Variants in ZSCAN32 observed in about 807,000 individuals in gnomAD.
The protein encoded by ZSCAN32 is zinc finger and SCAN domain-containing protein 32.
A neutral mutation model predicts 47.4 loss-of-function variants in ZSCAN32; 52 were observed. That is an observed-to-expected ratio of 1.10 (90% CI 0.88 to 1.38). The LOEUF (loss-of-function observed/expected upper bound fraction) is 1.38. Ranked by LOEUF, ZSCAN32 falls within the 40% of genes most tolerant of loss-of-function variation. ZSCAN32 has a pLI of 0.00. For synonymous variants in ZSCAN32, 346 were observed against 305.7 expected, an observed-to-expected ratio of 1.13 and a Z score of -1.38; for missense variants, 959 against 846.0, an observed-to-expected ratio of 1.13 and a Z score of -1.66.
rs1442058871 is a variant in ZSCAN32 at position 3,397,495 on chromosome 16, GC to G, written c.62del (p.Gly21AlafsTer28). The G allele has an allele frequency of 1.3e-6, 2 of 1,550,416 alleles. No individual in the cohort carries two copies. The highest frequency in any genetic ancestry group is 3.9e-5 in the Admixed American group (2 of 50,980). On this transcript the variant is annotated frameshift_variant, in exon 2 of 7. Transcript: ENST00000396852. LOFTEE classifies it high-confidence loss of function. The stretch of plus-strand genomic sequence containing the variant: ...TGTTACCCTGGAGGGCTGATTTCTG[GC>G]CCTGTGTGGGATCCTTGTTTGAGGA... ...HPSSNKDPTQ[G>X]QKSALQGNSP...
chr16:3,384,719 A>C lies in ZSCAN32; in HGVS notation c.974T>G (p.Val325Gly). 1 of 1,614,236 alleles carries C rather than the reference A, an allele frequency of 6.2e-7. No homozygotes were observed. Among genetic ancestry groups the C allele is most frequent in the Non-Finnish European group, 8.5e-7 (1 of 1,180,044 alleles). ...CTCATAAAAGATACAAGGCTCAGGC[A>C]CACGGCCTCTCCTCACTTTGCGGTA... The part of the protein sequence containing the change: ...LSYRKVRRGR[V>G]PEPCIFYEEM... Residue 325 changes from valine to glycine, a missense_variant, in exon 6 of 7, where the codon GTG becomes GGG. Coordinates refer to ENST00000396852, the MANE Select transcript of ZSCAN32 (RefSeq NM_001284527.2).
intron 6 of ZSCAN32, 100 bp from the exon 7 acceptor site, chr16:3,383,811 G>C: frequency 8.1e-7 from 1 of 1,229,728 alleles, no homozygotes; most frequent in South Asian, 2.0e-5. Flanking sequence ...ATATCTAATT[G>C]AAATTCTTCA....
intron 3 of ZSCAN32, 97 bp from the exon 4 acceptor site, chr16:3,390,614 G>T: frequency 1.1e-6 from 1 of 945,984 alleles, no homozygotes; most frequent in Non-Finnish European, 1.6e-6. Context: ...CGCATCAGCA[G>T]CCCCTGGCAA....
At position 3,383,250 on chromosome 16, in the gene ZSCAN32, C is replaced by T. The variant is rs1392646010; in HGVS notation, c.1696G>A (p.Ala566Thr). The stretch of plus-strand genomic sequence containing the variant: ...TCCCCTGTGTGAGTTCGTAGGTGGG[C>T]AGTGAGGTTGGAGCGCTCACTAAAG... Reference protein sequence around the residue: ...KGFSERSNLTAHLRTHTGERP... With the variant: ...KGFSERSNLTTHLRTHTGERP... The change falls in exon 7 of 7, where the codon GCC (alanine) becomes ACC (threonine). Residue 566 changes from alanine (A) to threonine (T), a missense_variant. Transcript: ENST00000396852. 1 of 1,614,058 alleles carries T rather than the reference C, an allele frequency of 6.2e-7. No individual in the cohort carries two copies. The highest frequency in any genetic ancestry group is 8.5e-7 in the Non-Finnish European group (1 of 1,179,928).
chr16:3,389,924 T>G (rs2032470122), intron 5 of ZSCAN32, 86 bp downstream of exon 5: 3 of 1,376,740 alleles, frequency 2.2e-6, no homozygotes, highest in South Asian at 2.9e-5. Context: ...CCCCACTCCC[T>G]CTGTCTCCCT....
intron 3 of ZSCAN32, 25 bp from the exon 4 acceptor site, chr16:3,390,542 A>G (rs1156992996): frequency 1.3e-6 from 2 of 1,532,314 alleles, no homozygotes; most frequent in Non-Finnish European, 1.8e-6. Flanking sequence ...AGCCGCTATT[A>G]GAGGGCGGCT....
intron 4 of ZSCAN32, 100 bp from the exon 5 acceptor site, chr16:3,390,233 C>T: frequency 6.8e-7 from 1 of 1,477,656 alleles, no homozygotes; most frequent in Non-Finnish European, 9.0e-7. Flanking sequence ...AGGGGCAAGG[C>T]AAAGGCAGGG....
intron 1 of ZSCAN32, among the ~76,000 whole-genome samples, chr16:3,398,350 T>G (rs1486996610): frequency 6.6e-6 from 1 of 152,034 alleles, no homozygotes; most frequent in African/African-American, 2.4e-5. Flanking sequence ...AAAAACCGTT[T>G]TCCACAGCCC....
At chr16:3,386,744 G>C (rs1043219114) in intron 5 of ZSCAN32, among the ~76,000 whole-genome samples, 3 of 152,204 alleles carry the variant, frequency 2.0e-5, no homozygotes, top group Admixed American at 6.5e-5. Context: ...TGAACAGTGA[G>C]AACACATGGA....
In ZSCAN32 at chr16:3,383,284, G is replaced by A. The variant is rs146321164; in HGVS notation, c.1662C>T (p.Cys554=). 72 of 1,614,010 alleles carry A rather than the reference G, an allele frequency of 4.5e-5. No individual in the cohort carries two copies. The African/African-American group carries it at 7.2e-4, about 16-fold the overall frequency. The change falls in exon 7 of 7, where the codon TGC becomes TGT. Residue 554 remains cysteine (C), a synonymous_variant. Coordinates refer to ENST00000396852, the MANE Select transcript of ZSCAN32 (RefSeq NM_001284527.2). The stretch of plus-strand genomic sequence containing the variant: ...TGGAGCGCTCACTAAAGCCCTTCCC[G>A]CACTCACTGCACTTGTGAGGCTTCT... ...TGEKPHKCSE[C]GKGFSERSNL...
intron 4 of ZSCAN32, 88 bp downstream of exon 4, chr16:3,390,335 C>G (rs930962937): frequency 1.7e-5 from 24 of 1,392,938 alleles, no homozygotes; most frequent in Non-Finnish European, 2.3e-5. Flanking sequence ...ATGGACCACA[C>G]AGAATCTTTC....
chr16:3,386,810 A>G (rs1466387574), intron 5 of ZSCAN32, among the ~76,000 whole-genome samples: 2 of 151,892 alleles, frequency 1.3e-5, no homozygotes, highest in African/African-American at 2.4e-5. Flanking sequence ...GAGAGAGGGG[A>G]GGGATAGCAT....
At position 3,383,227 on chromosome 16, in the gene ZSCAN32, C is replaced by G; in HGVS notation, c.1719G>C (p.Gly573=). Residue 573 remains glycine (G), a synonymous_variant, in exon 7 of 7, where the codon GGG becomes GGC. Transcript: ENST00000396852. ...ATTGCCCACACTGATAGGGCCTCTC[C>G]CCTGTGTGAGTTCGTAGGTGGGCAG... ...NLTAHLRTHT[G]ERPYQCGQCG... 1.2e-6 allele frequency: 2 copies of G among 1,614,092 alleles called. No homozygotes were observed. Among genetic ancestry groups the G allele is most frequent in the Non-Finnish European group, 8.5e-7 (1 of 1,179,978 alleles).
chr16:3,384,573 T>A lies in ZSCAN32; in HGVS notation c.1120A>T (p.Thr374Ser), dbSNP rs2031701567. ...GELNHQNGEP[T>S]EVEDGTVDGA... ...TCCACAGTGCCATCTTCTACCTCCGTGGGTTCCCCATTCTGGTGATTCAGC... is the reference window on the plus strand; with the variant it reads ...TCCACAGTGCCATCTTCTACCTCCGAGGGTTCCCCATTCTGGTGATTCAGC... The change falls in exon 6 of 7, where the codon ACG becomes TCG. Residue 374 changes from threonine (T) to serine (S), a missense_variant. Coordinates refer to ENST00000396852, the MANE Select transcript of ZSCAN32 (RefSeq NM_001284527.2). The A allele has an allele frequency of 1.2e-6, 2 of 1,614,200 alleles. No homozygotes were observed. The highest frequency in any genetic ancestry group is 1.7e-6 in the Non-Finnish European group (2 of 1,180,026).
chr16:3,399,046 C>T (rs2033639352), intron 1 of ZSCAN32, among the ~76,000 whole-genome samples: 1 of 152,114 alleles, frequency 6.6e-6, no homozygotes, highest in Admixed American at 6.5e-5. Context: ...CAAGATGAAA[C>T]TCCGTCTCTA....
rs1446874871 is a variant in ZSCAN32 at position 3,390,429 on chromosome 16, C to T, written c.621G>A (p.Gly207=). The T allele has an allele frequency of 1.3e-6, 2 of 1,549,224 alleles. No individual in the cohort carries two copies. The highest frequency in any genetic ancestry group is 4.9e-5 in the East Asian group (2 of 40,910). ...GGCATCAACCACAGCTCACCTGGGA[C>T]CCAGCTGTCCAGACCACAGCACCTG... ...QETGAVVWTA[G]SQGPAMRDNR... is the part of the protein sequence containing the mutation. Residue 207 remains glycine, a synonymous_variant, in exon 4 of 7, where the codon GGG becomes GGA. Coordinates refer to ENST00000396852, the MANE Select transcript of ZSCAN32 (RefSeq NM_001284527.2).
At chr16:3,393,099 T>G (rs866506402) in intron 3 of ZSCAN32, among the ~76,000 whole-genome samples, 3 of 134,548 alleles carry the variant, frequency 2.2e-5, no homozygotes, top group Non-Finnish European at 4.6e-5. Flanking sequence ...TGTTCCTACT[T>G]TAAGTGCTAT....
In ZSCAN32 at chr16:3,390,143, C is replaced by A; in HGVS notation, c.628-10G>T. 6.2e-7 allele frequency: 1 copy of A among 1,600,086 alleles called. No individual in the cohort carries two copies. Among genetic ancestry groups the A allele is most frequent in the Non-Finnish European group, 8.5e-7 (1 of 1,173,046 alleles). ...CACGCATGGCTGGTCCCTGTAACAA[C>A]ACTGGAGCTGCTGCTACCGATAAAA... On this transcript the variant is annotated splice_polypyrimidine_tract_variant and intron_variant, in intron 4 of 6. Coordinates refer to ENST00000396852, the MANE Select transcript of ZSCAN32 (RefSeq NM_001284527.2).
chr16:3,383,221 C>T lies in ZSCAN32; in HGVS notation c.1725G>A (p.Arg575=), dbSNP rs772317955. 6 of 1,613,972 alleles carry T rather than the reference C, an allele frequency of 3.7e-6. No homozygotes were observed. Among genetic ancestry groups the T allele is most frequent in the Non-Finnish European group, 5.1e-6 (6 of 1,180,000 alleles). Reference sequence around the variant, plus strand: ...TCCCACATTGCCCACACTGATAGGGCCTCTCCCCTGTGTGAGTTCGTAGGT... The same window carrying T: ...TCCCACATTGCCCACACTGATAGGGTCTCTCCCCTGTGTGAGTTCGTAGGT... ...TAHLRTHTGE[R]PYQCGQCGKS... Residue 575 remains arginine, a synonymous_variant, in exon 7 of 7, where the codon AGG becomes AGA. Transcript: ENST00000396852.
Sources: gnomAD v4.1 joint callset for allele counts (sites outside exome capture counted in the v4.1 genomes callset) on GRCh38, gnomAD v4.1.1 for gene constraint, MANE v1.5 for transcripts, NCBI Gene and HGNC (gene_info 2026-07-23, HGNC 2026-07-21) for gene names.